APP: variants seen among roughly 807,000 people sequenced by gnomAD.
APP encodes amyloid beta precursor protein, also known as amyloid-beta precursor protein.
A neutral mutation model predicts 101.4 loss-of-function variants in APP; 31 were observed. The observed-to-expected ratio is 0.31, with a 90% CI of 0.23 to 0.41. The LOEUF (loss-of-function observed/expected upper bound fraction) is 0.41. Ranked by LOEUF, APP falls within the 10% of genes least tolerant of loss-of-function variation. The pLI is 1.00. For synonymous variants in APP, 366 were observed against 364.4 expected (o/e 1.00, Z -0.05); for missense variants, 839 against 1,003.7 (o/e 0.84, Z 2.22).
At chr21:26,159,982 C>T (rs1385914945) in intron 1 of APP, among the ~76,000 whole-genome samples, 1 of 152,028 alleles carries the variant, frequency 6.6e-6, no homozygotes, top group African/African-American at 2.4e-5. Context: ...TTAAGTATAC[C>T]CTCTCTGCCA....
At chr21:26,064,736 G>C (rs976004848) in intron 3 of APP, among the ~76,000 whole-genome samples, 1 of 152,104 alleles carries the variant, frequency 6.6e-6, no homozygotes, top group Non-Finnish European at 1.5e-5. Flanking sequence ...CTCAATCCCC[G>C]GCGAGGCCCA....
At chr21:25,997,448 A>G (rs989697147) in intron 7 of APP, 32 bp from the exon 8 acceptor site, 3 of 1,566,768 alleles carry the variant, frequency 1.9e-6, no homozygotes, top group African/African-American at 2.7e-5. Flanking sequence ...ATAACTAAAA[A>G]CAAAAAGAGA....
intron 5 of APP, among the ~76,000 whole-genome samples, chr21:26,023,659 C>T (rs1467902835): frequency 1.3e-5 from 2 of 152,244 alleles, no homozygotes; most frequent in African/African-American, 4.8e-5. Context: ...GCTATGACTG[C>T]ATCACTGCAT....
At chr21:25,918,637 C>T (rs1308088994) in intron 13 of APP, among the ~76,000 whole-genome samples, 1 of 151,844 alleles carries the variant, frequency 6.6e-6, no homozygotes, top group East Asian at 1.9e-4. Flanking sequence ...CCTGGAAAAT[C>T]GGGTCACTCC....
intron 12 of APP, 144 bp from the exon 13 acceptor site, chr21:25,954,833 C>G: frequency 5.0e-6 from 3 of 595,826 alleles, no homozygotes; most frequent in Non-Finnish European, 8.2e-6. Context: ...CAGGTAGATA[C>G]AAACTTCCAA....
At chr21:25,884,569 G>A (rs373548913) in intron 17 of APP, among the ~76,000 whole-genome samples, 1 of 150,458 alleles carries the variant, frequency 6.6e-6, no homozygotes, top group Non-Finnish European at 1.5e-5. Flanking sequence ...AATAATGAGA[G>A]ATTTCATTCA....
chr21:25,955,576 A>G (rs376902817), intron 12 of APP, 51 bp downstream of exon 12: 7 of 1,613,294 alleles, frequency 4.3e-6, no homozygotes, highest in Non-Finnish European at 5.9e-6. Flanking sequence ...CCCAAGAAGC[A>G]AGAATCCTGG....
intron 9 of APP, among the ~76,000 whole-genome samples, chr21:25,978,689 C>T (rs968213611): frequency 3.9e-5 from 6 of 152,266 alleles, no homozygotes; most frequent in Non-Finnish European, 5.9e-5. Context: ...CACAGTGGCT[C>T]ATGCCTATAA....
chr21:26,049,116 A>C (rs1453964130), intron 5 of APP, among the ~76,000 whole-genome samples: 1 of 152,194 alleles, frequency 6.6e-6, no homozygotes, highest in Non-Finnish European at 1.5e-5. Flanking sequence ...TTAAAAACAC[A>C]TAGTAGAAAG....
At chr21:26,099,288 T>G (rs757751660) in intron 2 of APP, among the ~76,000 whole-genome samples, 20 of 152,172 alleles carry the variant, frequency 1.3e-4, no homozygotes, top group Non-Finnish European at 2.4e-4. Context: ...ATAGCCTATC[T>G]TGTATATTTT....
chr21:25,898,902 A>T (rs1170553839), intron 15 of APP, among the ~76,000 whole-genome samples: 2 of 152,118 alleles, frequency 1.3e-5, no homozygotes, highest in Non-Finnish European at 2.9e-5. Context: ...GAAACTTGTG[A>T]CACATCTTGC....
At chr21:26,025,901 C>T (rs1034390517) in intron 5 of APP, among the ~76,000 whole-genome samples, 2 of 152,182 alleles carry the variant, frequency 1.3e-5, no homozygotes, top group East Asian at 1.9e-4. Context: ...CAAGAGCACA[C>T]GGTTTTGTTT....
At chr21:25,954,144 G>A (rs958617394) in intron 13 of APP, among the ~76,000 whole-genome samples, 7 of 152,170 alleles carry the variant, frequency 4.6e-5, no homozygotes, top group Non-Finnish European at 8.8e-5. Context: ...TACTTATAAT[G>A]CATGTGACAC....
chr21:26,060,839 C>T (rs1300360842), intron 3 of APP, among the ~76,000 whole-genome samples: 2 of 152,154 alleles, frequency 1.3e-5, no homozygotes, highest in Non-Finnish European at 2.9e-5. Flanking sequence ...ACAAGGAGAT[C>T]AGTGCTGTCG....
intron 6 of APP, among the ~76,000 whole-genome samples, chr21:26,007,997 T>C (rs762261148): frequency 1.3e-4 from 20 of 152,150 alleles, no homozygotes; most frequent in Admixed American, 3.9e-4. Flanking sequence ...CAAATATGGA[T>C]TGAAATACAA....
At chr21:25,972,809 T>G (rs1172652029) in intron 11 of APP, among the ~76,000 whole-genome samples, 1 of 151,588 alleles carries the variant, frequency 6.6e-6, no homozygotes, top group Non-Finnish European at 1.5e-5. Context: ...GTAAACATGT[T>G]GTTTTTTTTT....
At chr21:26,044,476 CATG>C (rs1432595714) in intron 5 of APP, among the ~76,000 whole-genome samples, 1 of 152,354 alleles carries the variant, frequency 6.6e-6, no homozygotes, top group Admixed American at 6.5e-5. Flanking sequence ...TGAGCCTTCA[CATG>C]ATATCCTAGA....
intron 17 of APP, among the ~76,000 whole-genome samples, chr21:25,890,422 A>C (rs1348237306): frequency 3.3e-5 from 5 of 152,338 alleles, no homozygotes; most frequent in African/African-American, 1.2e-4. Context: ...ACTCCCTAGA[A>C]ACACCTGGAC....
intron 6 of APP, among the ~76,000 whole-genome samples, chr21:26,012,307 CTT>C (rs112703303): frequency 1.4e-5 from 2 of 146,518 alleles, no homozygotes; most frequent in Admixed American, 6.8e-5. Flanking sequence ...CCTGTAAACA[CTT>C]TTTTTTTTTT....
Sources: allele counts gnomAD v4.1 joint callset (sites outside exome capture counted in the v4.1 genomes callset), GRCh38; gene constraint gnomAD v4.1.1; transcripts MANE v1.5; gene names NCBI Gene and HGNC (gene_info 2026-07-23, HGNC 2026-07-21).